Variants in GPHN observed in about 807,000 individuals in gnomAD.
GPHN encodes gephyrin.
Under a neutral mutation model 95.5 loss-of-function variants are expected in GPHN, and 17 were observed. The ratio of observed to expected loss-of-function variants is 0.18; its 90% CI spans 0.12 to 0.27. The LOEUF (loss-of-function observed/expected upper bound fraction) is 0.27. Among genes scored for constraint, GPHN ranks in the 10% least tolerant of loss-of-function variants. The pLI, the probability that GPHN is intolerant of heterozygous loss-of-function variation, is 1.00. For missense variants in GPHN, 660 were observed against 978.1 expected, an observed-to-expected ratio of 0.67 and a Z score of 4.34; for synonymous variants, 320 against 322.5, an observed-to-expected ratio of 0.99 and a Z score of 0.08.
intron 13 of GPHN, among the ~76,000 whole-genome samples, chr14:67,105,164 G>C (rs1420245080): frequency 6.6e-6 from 1 of 151,850 alleles, no homozygotes; most frequent in Non-Finnish European, 1.5e-5. Context: ...CTCTTGTATT[G>C]ATTTATAGTT....
chr14:67,517,186 C>G, the GPHN span, among the ~76,000 whole-genome samples: 2 of 152,188 alleles, frequency 1.3e-5, no homozygotes, highest in Non-Finnish European at 2.9e-5. Context: ...GCAAGGCCTA[C>G]CTGATGAAAA....
At chr14:66,983,158 C>T (rs1027471723) in intron 9 of GPHN, among the ~76,000 whole-genome samples, 3 of 151,904 alleles carry the variant, frequency 2.0e-5, no homozygotes, top group Admixed American at 1.3e-4. Context: ...AGGCTGAGGC[C>T]GGAGAATTGC....
intron 19 of GPHN, among the ~76,000 whole-genome samples, chr14:67,162,758 A>C (rs2082043031): frequency 6.6e-6 from 1 of 152,230 alleles, no homozygotes; most frequent in South Asian, 2.1e-4. Context: ...GAGTAGCCAA[A>C]ATAGATGTCC....
intron 1 of GPHN, among the ~76,000 whole-genome samples, chr14:66,673,661 C>G (rs2066425103): frequency 6.6e-6 from 1 of 152,230 alleles, no homozygotes; most frequent in African/African-American, 2.4e-5. Context: ...AAAATTTTTA[C>G]TTTACCTTCA....
intron 5 of GPHN, among the ~76,000 whole-genome samples, chr14:66,914,560 A>T (rs1287002997): frequency 6.6e-6 from 1 of 152,118 alleles, no homozygotes; most frequent in South Asian, 2.1e-4. Context: ...TTGGGAGGAT[A>T]ATATGCAGTA....
the GPHN span, among the ~76,000 whole-genome samples, chr14:67,684,349 A>C: frequency 6.6e-6 from 1 of 152,214 alleles, no homozygotes; most frequent in African/African-American, 2.4e-5. Context: ...TTGCTTCAAA[A>C]TAATATGGGA....
At chr14:67,137,941 T>C (rs2080197395) in intron 17 of GPHN, among the ~76,000 whole-genome samples, 1 of 152,192 alleles carries the variant, frequency 6.6e-6, no homozygotes. Flanking sequence ...CTTAATCTGC[T>C]TAATCCAATA....
Position 67,111,755 on chromosome 14 carries a change from A to G in GPHN, c.1414-106A>G, listed in dbSNP as rs1315280686. ...GTAGCAAATAGTTTTCTTTTTGTCT[A>G]TATTTGTATATATCCTGGGCCTATC... On this transcript the variant is annotated intron_variant, in intron 14 of 22. Coordinates refer to ENST00000478722, the MANE Select transcript of GPHN (RefSeq NM_020806.5). The G allele has an allele frequency of 4.8e-6, 4 of 834,340 alleles. No individual in the cohort carries two copies. The African/African-American group carries it at 5.0e-5, about 10-fold the overall frequency. The allele number at this position is 834,340 out of a possible 1,614,324, so 51.7% of individuals were successfully genotyped here. A position where few individuals can be genotyped will look rare whatever the true frequency, so the allele number is the denominator to read the frequency against.
intron 10 of GPHN, among the ~76,000 whole-genome samples, chr14:67,032,293 G>GA (rs1199451845): frequency 1.3e-5 from 2 of 152,248 alleles, no homozygotes; most frequent in East Asian, 3.9e-4. Flanking sequence ...AATGCCTGAG[G>GA]GCTACTGAAA....
At chr14:66,619,241 C>T (rs905063410) in intron 1 of GPHN, among the ~76,000 whole-genome samples, 45 of 151,986 alleles carry the variant, frequency 3.0e-4, no homozygotes, top group African/African-American at 1.0e-3. Context: ...TCAGTAAATA[C>T]CTGTGAATGA....
intron 1 of GPHN, among the ~76,000 whole-genome samples, chr14:66,617,707 G>GT (rs913144062): frequency 7.9e-5 from 12 of 151,694 alleles, no homozygotes; most frequent in African/African-American, 2.2e-4. Context: ...GTCGCTGAGA[G>GT]TTTTTTTTCA....
the GPHN span, chr14:67,473,979 G>A: frequency 4.5e-5 from 69 of 1,525,724 alleles, no homozygotes; most frequent in South Asian, 7.7e-5. The surrounding 1 kb of genome is among the most constrained non-coding windows in gnomAD (Gnocchi z 6.5). Flanking sequence ...AGGGCCGGGC[G>A]CGGTGGCTCA....
At chr14:67,724,962 G>C in the GPHN span, 1 of 1,026,704 alleles carries the variant, frequency 9.7e-7, no homozygotes, top group South Asian at 1.3e-5. Flanking sequence ...AAAGCCCGAA[G>C]TGGCAATATG....
At chr14:66,978,003 G>A (rs573132008) in intron 9 of GPHN, among the ~76,000 whole-genome samples, 7 of 152,056 alleles carry the variant, frequency 4.6e-5, no homozygotes, top group South Asian at 4.2e-4. Flanking sequence ...CAAATTTTTC[G>A]GTATCCCAGT....
intron 4 of GPHN, among the ~76,000 whole-genome samples, chr14:66,875,429 G>T (rs545161546): frequency 1.3e-5 from 2 of 151,854 alleles, no homozygotes; most frequent in East Asian, 3.9e-4. Flanking sequence ...AATGTAAATG[G>T]GCTAAATGCC....
chr14:66,587,610 A>G (rs2061474569), intron 1 of GPHN, among the ~76,000 whole-genome samples: 1 of 152,236 alleles, frequency 6.6e-6, no homozygotes, highest in African/African-American at 2.4e-5. Context: ...CATTAACAAA[A>G]AGAAGGACAA....
rs117552267 is a variant in GPHN, at chr14:66,812,547, G to C, written c.202-11927G>C. The stretch of plus-strand genomic sequence containing the variant: ...TCAAGCAGTAAAGGAACATATGCTT[G>C]TAATGAGTGAAGAGATAGGAAATCT... On this transcript the variant is annotated intron_variant, in intron 3 of 22. Transcript: ENST00000478722. Among the ~76,000 whole-genome samples the C allele has an allele frequency of 1.2e-3, 186 of 152,250 alleles. 1 individual carries two copies. In the East Asian group the frequency reaches 0.026, roughly 21 times the overall value.
the GPHN span, among the ~76,000 whole-genome samples, chr14:67,673,095 A>G: frequency 6.6e-6 from 1 of 152,224 alleles, no homozygotes; most frequent in Non-Finnish European, 1.5e-5. Context: ...CGCCCTATTT[A>G]AAACTGAAGT....
chr14:66,784,522 T>A (rs1460952094), intron 3 of GPHN, among the ~76,000 whole-genome samples: 1 of 152,178 alleles, frequency 6.6e-6, no homozygotes, highest in Non-Finnish European at 1.5e-5. Flanking sequence ...ATTTTTAAAA[T>A]CACAGTTATA....
Sources: gnomAD v4.1 joint callset for allele counts (sites outside exome capture counted in the v4.1 genomes callset) on GRCh38, gnomAD v4.1.1 for gene constraint, Gnocchi (gnomAD v3.1) non-coding constraint, MANE v1.5 for transcripts, NCBI Gene and HGNC (gene_info 2026-07-23, HGNC 2026-07-21) for gene names.